The following NFIB variants were observed in gnomAD, a reference collection of about 807,000 sequenced individuals.
NFIB encodes nuclear factor I B, also known as nuclear factor 1 B-type.
Under a neutral mutation model 61.5 loss-of-function variants are expected in NFIB, and 11 were observed. The ratio of observed to expected loss-of-function variants is 0.18; its 90% CI spans 0.11 to 0.30. The LOEUF (loss-of-function observed/expected upper bound fraction) is 0.30, where lower values mean the gene tolerates loss of function less well. NFIB is among the 10% of genes least tolerant of loss of function. The probability of loss-of-function intolerance (pLI) is 1.00; values close to 1 mark genes in which losing one functional copy is unlikely to be tolerated. For missense variants in NFIB, 471 were observed against 608.9 expected, an observed-to-expected ratio of 0.77 and a Z score of 2.38; for synonymous variants, 260 against 216.5, an observed-to-expected ratio of 1.20 and a Z score of -1.76.
chr9:14,491,901 C>T, the NFIB span, among the ~76,000 whole-genome samples: 1 of 152,112 alleles, frequency 6.6e-6, no homozygotes, highest in African/African-American at 2.4e-5. Context: ...ATGAATTGCT[C>T]ATTCATTGCA....
At chr9:14,306,021 A>AC (rs1195358195) in intron 2 of NFIB, 2 of 1,098,094 alleles carry the variant, frequency 1.8e-6, no homozygotes, top group Admixed American at 5.7e-5. Flanking sequence ...ATTCTTACCT[A>AC]CTTAAGGAAA....
intron 2 of NFIB, among the ~76,000 whole-genome samples, chr9:14,252,407 T>A (rs1939732070): frequency 6.6e-6 from 1 of 152,234 alleles, no homozygotes; most frequent in African/African-American, 2.4e-5. Flanking sequence ...GTAGATTTTC[T>A]ATATCATTAT....
At chr9:14,398,353 C>G (rs949900706) in intron 1 of NFIB, among the ~76,000 whole-genome samples, 2 of 152,198 alleles carry the variant, frequency 1.3e-5, no homozygotes, top group Non-Finnish European at 2.9e-5. Flanking sequence ...CTTATGCCAG[C>G]TCTGAAAGTT....
intron 1 of NFIB, among the ~76,000 whole-genome samples, chr9:14,351,675 TTC>T (rs2061114527): frequency 1.3e-5 from 2 of 152,220 alleles, no homozygotes; most frequent in Admixed American, 6.5e-5. Flanking sequence ...TAGAAAGAGT[TTC>T]TGTCTGATGA....
the NFIB span, among the ~76,000 whole-genome samples, chr9:14,514,345 C>CACACACACAA: frequency 6.6e-6 from 1 of 151,690 alleles, no homozygotes; most frequent in Non-Finnish European, 1.5e-5. Flanking sequence ...CACACACACA[C>CACACACACAA]ACGCATCCAC....
At chr9:14,218,612 T>G (rs2051235225) in intron 2 of NFIB, among the ~76,000 whole-genome samples, 1 of 152,216 alleles carries the variant, frequency 6.6e-6, no homozygotes, top group South Asian at 2.1e-4. Flanking sequence ...CAGTATTTAA[T>G]AGTGTATTTT....
chr9:14,186,376 GA>G (rs1243070189), intron 2 of NFIB, among the ~76,000 whole-genome samples: 1 of 152,066 alleles, frequency 6.6e-6, no homozygotes, highest in Non-Finnish European at 1.5e-5. Context: ...AATACCATGA[GA>G]TTTTTTTTAA....
intron 2 of NFIB, among the ~76,000 whole-genome samples, chr9:14,292,621 A>C (rs2059177871): frequency 6.6e-6 from 1 of 152,182 alleles, no homozygotes; most frequent in African/African-American, 2.4e-5. Context: ...ACAGAAACTG[A>C]GTTACTGAGA....
At chr9:14,189,010 A>G (rs2047662946) in intron 2 of NFIB, among the ~76,000 whole-genome samples, 3 of 152,144 alleles carry the variant, frequency 2.0e-5, no homozygotes, top group African/African-American at 4.8e-5. Context: ...TTAGTCTTAA[A>G]TTTTTCTCTT....
At chr9:14,366,820 C>A (rs1295861341) in intron 1 of NFIB, among the ~76,000 whole-genome samples, 1 of 152,140 alleles carries the variant, frequency 6.6e-6, no homozygotes, top group African/African-American at 2.4e-5. Flanking sequence ...CCCAAAAAAT[C>A]TGTCAGAACC....
chr9:14,477,100 T>G, the NFIB span, among the ~76,000 whole-genome samples: 1 of 152,180 alleles, frequency 6.6e-6, no homozygotes, highest in Non-Finnish European at 1.5e-5. Context: ...TGTTTAAAAT[T>G]TCTTAAAATA....
At chr9:14,275,157 T>TA (rs2057910111) in intron 2 of NFIB, among the ~76,000 whole-genome samples, 2 of 152,190 alleles carry the variant, frequency 1.3e-5, no homozygotes, top group Non-Finnish European at 2.9e-5. Flanking sequence ...TTGCTCTTGT[T>TA]ACTTCTGAAG....
At chr9:14,179,816 T>A in intron 2 of NFIB, 36 bp from the exon 3 acceptor site, 1 of 1,606,350 alleles carries the variant, frequency 6.2e-7, no homozygotes, top group Non-Finnish European at 8.5e-7. Flanking sequence ...TTCTTTTTAA[T>A]TTGTTTTGAA....
upstream of NFIB, chr9:14,314,174 CGGGGTGGGGGCGGGGT>C: frequency 1.6e-4 from 4 of 25,264 alleles, no homozygotes; most frequent in Non-Finnish European, 2.6e-4. Flanking sequence ...GGGAGAGGGC[CGGGGTGGGGGCGGGGT>C]GGGATGGGGG....
the NFIB span, among the ~76,000 whole-genome samples, chr9:14,411,063 G>A: frequency 6.6e-6 from 1 of 152,154 alleles, no homozygotes; most frequent in South Asian, 2.1e-4. Context: ...TAAGTAAAAA[G>A]TCAAATTCTT....
At chr9:14,373,641 A>AGTGTGTGTGTGTGT in intron 1 of NFIB, among the ~76,000 whole-genome samples, 1 of 143,250 alleles carries the variant, frequency 7.0e-6, no homozygotes, top group Non-Finnish European at 1.5e-5. Flanking sequence ...TGTCCACATG[A>AGTGTGTGTGTGTGT]GTGTGTGTGT....
chr9:14,193,617 C>T (rs1252406261), intron 2 of NFIB, among the ~76,000 whole-genome samples: 1 of 152,070 alleles, frequency 6.6e-6, no homozygotes, highest in East Asian at 1.9e-4. Flanking sequence ...AAGTATTTTT[C>T]CCATCAGAAT....
chr9:14,222,312 T>C (rs2051772016), intron 2 of NFIB, among the ~76,000 whole-genome samples: 1 of 152,164 alleles, frequency 6.6e-6, no homozygotes, highest in Non-Finnish European at 1.5e-5. Context: ...CACCCTCATC[T>C]ACAAGCCCTG....
intron 2 of NFIB, among the ~76,000 whole-genome samples, chr9:14,187,798 A>T (rs564419516): frequency 8.0e-4 from 122 of 152,334 alleles, no homozygotes; most frequent in African/African-American, 2.8e-3. Flanking sequence ...ATCAAAAATC[A>T]TATATCAAAA....
Sources: allele counts gnomAD v4.1 joint callset (sites outside exome capture counted in the v4.1 genomes callset), GRCh38; gene constraint gnomAD v4.1.1; transcripts MANE v1.5; gene names NCBI Gene and HGNC (gene_info 2026-07-23, HGNC 2026-07-21).